SLC6A2: variants seen among roughly 807,000 people sequenced by gnomAD.
SLC6A2 encodes the protein sodium-dependent noradrenaline transporter.
In SLC6A2, 26 loss-of-function variants were observed where a neutral mutation model predicts 71.7. That is an observed-to-expected ratio of 0.36 (90% CI 0.27 to 0.50). The LOEUF (loss-of-function observed/expected upper bound fraction) is 0.50. SLC6A2 is among the 20% of genes least tolerant of loss of function. SLC6A2 has a pLI of 0.96. For missense variants in SLC6A2, 581 were observed against 803.9 expected, an observed-to-expected ratio of 0.72 and a Z score of 3.35; for synonymous variants, 363 against 337.9, an observed-to-expected ratio of 1.07 and a Z score of -0.82.
At chr16:55,664,754 A>G (rs1372728407) in intron 2 of SLC6A2, among the ~76,000 whole-genome samples, 8 of 152,202 alleles carry the variant, frequency 5.3e-5, no homozygotes, top group East Asian at 1.9e-4. Flanking sequence ...ATAGCTACAC[A>G]TAGCAGGGCT....
At chr16:55,669,828 A>ATAC in intron 3 of SLC6A2, 132 bp downstream of exon 3, 2 of 976,008 alleles carry the variant, frequency 2.0e-6, no homozygotes, top group Non-Finnish European at 3.2e-6. Flanking sequence ...GACAAGGTCA[A>ATAC]CAGTGTCCCC....
intron 4 of SLC6A2, among the ~76,000 whole-genome samples, chr16:55,682,496 T>G (rs1473052455): frequency 6.6e-6 from 1 of 152,190 alleles, no homozygotes; most frequent in Non-Finnish European, 1.5e-5. Context: ...CAAGAAAGGC[T>G]GGGAGCATTT....
intron 5 of SLC6A2, 124 bp from the exon 6 acceptor site, chr16:55,691,794 C>T (rs1597002710): frequency 2.6e-6 from 3 of 1,135,900 alleles, no homozygotes; most frequent in Non-Finnish European, 3.9e-6. Flanking sequence ...GTAGCATGTG[C>T]TTTGGGTAAA....
In SLC6A2 at chr16:55,685,015, G is replaced by A. The variant is rs561727542; in HGVS notation, c.645-128G>A. 3.4e-5 allele frequency: 31 copies of A among 903,082 alleles called. No homozygotes were observed. In the East Asian group the frequency reaches 7.0e-4, roughly 20 times the overall value. 55.9% of individuals were successfully genotyped at this position (903,082 alleles called of 1,614,324 possible). A position where few individuals can be genotyped will look rare whatever the true frequency, so the allele number is the denominator to read the frequency against. ...GTGCATGGCAGTGGCTAGGGTCCCT[G>A]AGTTAGGGGAGAGTGGCCAGGTCCT... On this transcript the variant is annotated intron_variant, in intron 4 of 14. Transcript: ENST00000568943.
rs1403234973 is a variant in SLC6A2, at chr16:55,685,264, GT to G, written c.767del (p.Val256GlyfsTer47). The G allele has an allele frequency of 6.2e-7, 1 of 1,614,152 alleles. No individual in the cohort carries two copies. On this transcript the variant is annotated frameshift_variant, in exon 5 of 15. Transcript: ENST00000568943. LOFTEE classifies it high-confidence loss of function. Reference sequence around the variant, plus strand: ...CTTGTATTTTAGCCTCTGGAAAGGGGTGAAGACATCAGGAAAGGTAATATCT... The same window carrying G: ...CTTGTATTTTAGCCTCTGGAAAGGGGGAAGACATCAGGAAAGGTAATATCT... ...IVLYFSLWKG[V>X]KTSGKVVWIT...
At chr16:55,658,284 G>A (rs1964514530) in intron 2 of SLC6A2, among the ~76,000 whole-genome samples, 1 of 152,098 alleles carries the variant, frequency 6.6e-6, no homozygotes, top group Non-Finnish European at 1.5e-5. Context: ...GGACAAAGTG[G>A]GCAGATTGCC....
intron 4 of SLC6A2, among the ~76,000 whole-genome samples, chr16:55,681,291 A>T (rs1327953623): frequency 2.6e-5 from 4 of 152,212 alleles, no homozygotes; most frequent in Non-Finnish European, 4.4e-5. Context: ...AAATGCTTAC[A>T]CGCACTACTG....
intron 3 of SLC6A2, 44 bp from the exon 4 acceptor site, chr16:55,671,894 G>T (rs763400360): frequency 1.2e-6 from 2 of 1,613,106 alleles, no homozygotes; most frequent in East Asian, 4.5e-5. Flanking sequence ...TGGCTGTGGG[G>T]CTGGGCCTGG....
intron 7 of SLC6A2, 22 bp downstream of exon 7, chr16:55,694,135 T>C (rs2142596648): frequency 6.9e-7 from 1 of 1,445,610 alleles, no homozygotes; most frequent in Non-Finnish European, 9.7e-7. Context: ...CTCAGAATTC[T>C]GAGAAGCTCT....
intron 10 of SLC6A2, 101 bp from the exon 11 acceptor site, chr16:55,698,368 G>T (rs1444065955): frequency 3.5e-6 from 3 of 863,964 alleles, no homozygotes; most frequent in Non-Finnish European, 5.9e-6. Context: ...ATAGAGCTCC[G>T]AGCAAGTGGG....
chr16:55,669,790 C>A, intron 3 of SLC6A2, 94 bp downstream of exon 3: 1 of 1,383,958 alleles, frequency 7.2e-7, no homozygotes, highest in East Asian at 2.3e-5. Context: ...TAAGGTAGAC[C>A]TCCTGTCATG....
chr16:55,675,720 A>G (rs1965064514), intron 4 of SLC6A2, among the ~76,000 whole-genome samples: 1 of 152,134 alleles, frequency 6.6e-6, no homozygotes, highest in Non-Finnish European at 1.5e-5. Flanking sequence ...TAATTTATTT[A>G]CCTTTAAATA....
intron 6 of SLC6A2, among the ~76,000 whole-genome samples, chr16:55,693,425 C>T (rs1965698884): frequency 6.6e-6 from 1 of 152,142 alleles, no homozygotes; most frequent in Non-Finnish European, 1.5e-5. Context: ...TAATTATCCC[C>T]ATTATACAGA....
At chr16:55,662,360 A>C (rs1964632619) in intron 2 of SLC6A2, among the ~76,000 whole-genome samples, 1 of 152,200 alleles carries the variant, frequency 6.6e-6, no homozygotes, top group African/African-American at 2.4e-5. Flanking sequence ...AGCCAAAAAA[A>C]ATTTACTAAA....
At position 55,683,633 on chromosome 16, in the gene SLC6A2, C is replaced by T. The variant is rs1009763991; in HGVS notation, c.645-1510C>T. 4.1e-5 allele frequency among the ~76,000 whole-genome samples: 6 copies of T among 145,112 alleles called. No individual in the cohort carries two copies. In the South Asian group the frequency reaches 1.3e-3, roughly 32 times the overall value. The stretch of plus-strand genomic sequence containing the variant: ...CGTCTCAAACAAACAAACAAACAAA[C>T]AAACGAAACAAAACAAAACAAAAGA... On this transcript the variant is annotated intron_variant, in intron 4 of 14. Coordinates refer to ENST00000568943, the MANE Select transcript of SLC6A2 (RefSeq NM_001172501.3).
chr16:55,701,204 G>A (rs1965962405), intron 13 of SLC6A2, among the ~76,000 whole-genome samples: 1 of 152,156 alleles, frequency 6.6e-6, no homozygotes, highest in Non-Finnish European at 1.5e-5. Flanking sequence ...GAAACTCAAG[G>A]AAGGGAGTAA....
intron 5 of SLC6A2, among the ~76,000 whole-genome samples, chr16:55,690,916 C>G (rs966530956): frequency 1.3e-5 from 2 of 152,074 alleles, no homozygotes; most frequent in African/African-American, 4.8e-5. Context: ...CCAACCTGGA[C>G]AAGGGGATGG....
At chr16:55,678,997 C>T (rs1393466931) in intron 4 of SLC6A2, among the ~76,000 whole-genome samples, 2 of 152,142 alleles carry the variant, frequency 1.3e-5, no homozygotes, top group Non-Finnish European at 2.9e-5. Context: ...CATGGGACAT[C>T]AGCTGGGCCT....
At chr16:55,700,069 C>T in intron 12 of SLC6A2, 70 bp from the exon 13 acceptor site, 2 of 1,367,424 alleles carry the variant, frequency 1.5e-6, no homozygotes, top group Non-Finnish European at 2.1e-6. Context: ...CTTCCACCTC[C>T]TTCTCTCTTT....
Sources: allele counts gnomAD v4.1 joint callset (sites outside exome capture counted in the v4.1 genomes callset), GRCh38; gene constraint gnomAD v4.1.1; transcripts MANE v1.5; gene names NCBI Gene and HGNC (gene_info 2026-07-23, HGNC 2026-07-21).